Variants in CDK19 observed in about 807,000 individuals in gnomAD.
CDK19 encodes cyclin dependent kinase 19.
A neutral mutation model predicts 68.3 loss-of-function variants in CDK19; 20 were observed. The ratio of observed to expected loss-of-function variants is 0.29; its 90% CI spans 0.21 to 0.43. CDK19 has a LOEUF of 0.43. Among genes scored for constraint, CDK19 ranks in the 20% least tolerant of loss-of-function variants. The probability of loss-of-function intolerance (pLI) is 1.00; values close to 1 mark genes in which losing one functional copy is unlikely to be tolerated. For synonymous variants in CDK19, 221 were observed against 222.8 expected (o/e 0.99, Z 0.07); for missense variants, 339 against 623.5 (o/e 0.54, Z 4.86).
At chr6:110,636,907 A>G (rs1057092416) in intron 5 of CDK19, among the ~76,000 whole-genome samples, 1 of 152,250 alleles carries the variant, frequency 6.6e-6, no homozygotes, top group African/African-American at 2.4e-5. Context: ...ACTAGTAGAT[A>G]GGACTTAGGA....
chr6:110,641,963 G>A (rs1404782008), intron 4 of CDK19, among the ~76,000 whole-genome samples: 1 of 152,210 alleles, frequency 6.6e-6, no homozygotes, highest in East Asian at 1.9e-4. Flanking sequence ...AATGTTTGGT[G>A]TAGAAATGCA....
chr6:110,811,528 G>A (rs966510868), intron 1 of CDK19, among the ~76,000 whole-genome samples: 8 of 152,170 alleles, frequency 5.3e-5, no homozygotes, highest in Non-Finnish European at 5.9e-5. Flanking sequence ...GATTAAAGGT[G>A]TGAGCCACGG....
At chr6:110,723,986 C>T (rs1212426794) in intron 2 of CDK19, among the ~76,000 whole-genome samples, 1 of 149,910 alleles carries the variant, frequency 6.7e-6, no homozygotes, top group African/African-American at 2.5e-5. Context: ...ACTGCACAAG[C>T]TAAGACTGGA....
In CDK19 at chr6:110,613,734, G is replaced by A. The variant is rs561734082; in HGVS notation, c.*801C>T. 1.3e-5 allele frequency: 2 copies of A among 152,648 alleles called. No homozygotes were observed. The highest frequency in any genetic ancestry group is 3.9e-4 in the East Asian group (2 of 5,172). 9.5% of individuals were successfully genotyped at this position (152,648 alleles called of 1,614,324 possible). ...GCCATCGAGACTGTACAAAGCTCTT[G>A]AAACCCTTTTTAAGGTAGACTTAGC... is the stretch of plus-strand genomic sequence containing the variant. On this transcript the variant is annotated 3_prime_UTR_variant, in exon 13 of 13. Transcript: ENST00000368911.
intron 12 of CDK19, among the ~76,000 whole-genome samples, chr6:110,619,686 A>G (rs759501290): frequency 1.2e-4 from 18 of 151,766 alleles, no homozygotes; most frequent in Non-Finnish European, 1.8e-4. Context: ...TTAGCCAGAG[A>G]CCTTTTATCC....
intron 2 of CDK19, among the ~76,000 whole-genome samples, chr6:110,718,280 T>C (rs1405513061): frequency 6.6e-6 from 1 of 152,110 alleles, no homozygotes; most frequent in Non-Finnish European, 1.5e-5. Flanking sequence ...ATATAGGCCC[T>C]AGAAGCTGGG....
chr6:110,688,547 G>A (rs192136342), intron 2 of CDK19, among the ~76,000 whole-genome samples: 2 of 152,158 alleles, frequency 1.3e-5, no homozygotes, highest in South Asian at 2.1e-4. Flanking sequence ...AGCCTACACC[G>A]TGAACCAGGC....
intron 1 of CDK19, among the ~76,000 whole-genome samples, chr6:110,804,547 C>T (rs1461713709): frequency 6.6e-6 from 1 of 151,182 alleles, no homozygotes; most frequent in Non-Finnish European, 1.5e-5. Flanking sequence ...GACGGGGTTT[C>T]ACCATATTGG....
At chr6:110,803,894 AG>A (rs745312448) in intron 1 of CDK19, among the ~76,000 whole-genome samples, 1 of 152,192 alleles carries the variant, frequency 6.6e-6, no homozygotes, top group East Asian at 1.9e-4. Flanking sequence ...ATTTGAGCAC[AG>A]GAAGTCCAGG....
intron 1 of CDK19, among the ~76,000 whole-genome samples, chr6:110,756,389 C>CA (rs746628617): frequency 0.014 from 1,355 of 99,506 alleles, 6 homozygotes; most frequent in Middle Eastern, 0.036. Flanking sequence ...GACTCTGTCT[C>CA]AAAAAAAAAA....
At chr6:110,729,526 T>TCAAGTGAG (rs1159245357) in intron 2 of CDK19, among the ~76,000 whole-genome samples, 1 of 152,086 alleles carries the variant, frequency 6.6e-6, no homozygotes, top group Non-Finnish European at 1.5e-5. Flanking sequence ...CCTCCTGGGT[T>TCAAGTGAG]CAAGTGAGTC....
chr6:110,785,537 A>G (rs1460568122), intron 1 of CDK19, among the ~76,000 whole-genome samples: 2 of 152,226 alleles, frequency 1.3e-5, no homozygotes, highest in African/African-American at 4.8e-5. Context: ...GTAGAAGTGG[A>G]TCATCGTAAA....
intron 1 of CDK19, among the ~76,000 whole-genome samples, chr6:110,785,825 A>T (rs1253432127): frequency 6.6e-6 from 1 of 152,138 alleles, no homozygotes; most frequent in African/African-American, 2.4e-5. Context: ...TACTAAAAAT[A>T]CAAAATCAGC....
At chr6:110,709,739 A>C (rs1250161958) in intron 2 of CDK19, among the ~76,000 whole-genome samples, 2 of 152,190 alleles carry the variant, frequency 1.3e-5, no homozygotes, top group Non-Finnish European at 2.9e-5. Flanking sequence ...AAGACTAAAA[A>C]ATAGAAATTC....
intron 4 of CDK19, among the ~76,000 whole-genome samples, chr6:110,662,626 C>T (rs1484348079): frequency 6.6e-6 from 1 of 152,162 alleles, no homozygotes; most frequent in African/African-American, 2.4e-5. Context: ...ATGAACCTTG[C>T]TCTCAAGAAG....
At chr6:110,673,726 T>A (rs913727698) in intron 2 of CDK19, among the ~76,000 whole-genome samples, 39 of 151,152 alleles carry the variant, frequency 2.6e-4, no homozygotes, top group African/African-American at 8.7e-4. Flanking sequence ...AAAAGAAAAA[T>A]TTTTTTAAAG....
intron 1 of CDK19, among the ~76,000 whole-genome samples, chr6:110,778,548 C>G (rs1012289273): frequency 9.9e-5 from 15 of 152,160 alleles, no homozygotes; most frequent in African/African-American, 3.6e-4. Flanking sequence ...GCATTATTAA[C>G]CAAACCAGTC....
At chr6:110,633,107 C>A (rs2114714468) in intron 5 of CDK19, among the ~76,000 whole-genome samples, 1 of 151,592 alleles carries the variant, frequency 6.6e-6, no homozygotes, top group South Asian at 2.1e-4. Flanking sequence ...TAGTCCCAGC[C>A]ACTACGGAGG....
chr6:110,646,113 G>A (rs1582766217), intron 4 of CDK19: 3 of 885,620 alleles, frequency 3.4e-6, no homozygotes, highest in East Asian at 2.6e-5. Flanking sequence ...CTCCTTCGAG[G>A]TGATTCTCAT....
Sources: gnomAD v4.1 joint callset for allele counts (sites outside exome capture counted in the v4.1 genomes callset) on GRCh38, gnomAD v4.1.1 for gene constraint, MANE v1.5 for transcripts, NCBI Gene and HGNC (gene_info 2026-07-23, HGNC 2026-07-21) for gene names.